The following FAM47E variants were observed in gnomAD, a reference collection of about 807,000 sequenced individuals.
FAM47E encodes the protein family with sequence similarity 47 member E.
In FAM47E, 32 loss-of-function variants were observed where a neutral mutation model predicts 41.6. That is an observed-to-expected ratio of 0.77 (90% confidence interval 0.58 to 1.03). FAM47E has a LOEUF of 1.03. Among genes scored for constraint, FAM47E ranks in the 50% least tolerant of loss-of-function variants. FAM47E has a pLI of 0.00. For missense variants in FAM47E, 424 were observed against 485.4 expected, an observed-to-expected ratio of 0.87 and a Z score of 1.19; for synonymous variants, 184 against 188.7, an observed-to-expected ratio of 0.98 and a Z score of 0.20.
chr4:76,273,714 G>A (rs868689173), intron 5 of FAM47E, among the ~76,000 whole-genome samples: 1 of 150,768 alleles, frequency 6.6e-6, no homozygotes, highest in South Asian at 2.1e-4. Context: ...CTTTTTTTTT[G>A]TTGTTTTTCA....
intron 2 of FAM47E, among the ~76,000 whole-genome samples, chr4:76,260,823 G>A (rs540687620): frequency 6.6e-6 from 1 of 152,168 alleles, no homozygotes; most frequent in South Asian, 2.1e-4. Context: ...ATGTGACAAA[G>A]GACTAATGTC....
intron 2 of FAM47E, among the ~76,000 whole-genome samples, chr4:76,260,746 A>G (rs1000767273): frequency 4.6e-5 from 7 of 152,216 alleles, no homozygotes; most frequent in Non-Finnish European, 7.3e-5. Flanking sequence ...TGAACTGCAA[A>G]AGAAACTATC....
upstream of FAM47E, among the ~76,000 whole-genome samples, chr4:76,247,910 C>CTTTTTTTTTTTTTTT (rs753751295): frequency 2.3e-5 from 2 of 86,844 alleles, no homozygotes; most frequent in African/African-American, 8.4e-5. Context: ...CACTCTCTCT[C>CTTTTTTTTTTTTTTT]TTTTTTTTTT....
At chr4:76,277,991 C>CT (rs1303418680) in intron 5 of FAM47E, 78 bp from the exon 6 acceptor site, 34 of 1,402,430 alleles carry the variant, frequency 2.4e-5, no homozygotes, top group Non-Finnish European at 3.1e-5. Context: ...TCCTGCTCTC[C>CT]TAAGCTAAGC....
intron 2 of FAM47E, among the ~76,000 whole-genome samples, chr4:76,263,183 T>C (rs1734490837): frequency 6.6e-6 from 1 of 152,232 alleles, no homozygotes; most frequent in Admixed American, 6.5e-5. Flanking sequence ...GGTATGCGTT[T>C]ATACATATCA....
At chr4:76,228,770 T>C (rs916119929) in intron 2 of FAM47E, among the ~76,000 whole-genome samples, 4 of 152,178 alleles carry the variant, frequency 2.6e-5, no homozygotes, top group African/African-American at 7.2e-5. Flanking sequence ...TTTTGCCTCA[T>C]AGCTCTTAAG....
At chr4:76,280,385 T>C in intron 7 of FAM47E, 44 bp downstream of exon 7, 2 of 1,126,626 alleles carry the variant, frequency 1.8e-6, no homozygotes, top group Non-Finnish European at 2.6e-6. Context: ...AGGGGCTTCA[T>C]GGCTCACAGT....
intron 2 of FAM47E, chr4:76,236,692 T>TGGGGTGGGGGTC (rs1733592165): frequency 4.6e-5 from 1 of 21,516 alleles, no homozygotes; most frequent in Non-Finnish European, 9.2e-5. Flanking sequence ...TGGTGGGGGG[T>TGGGGTGGGGGTC]GGGGTGGGGG....
intron 7 of FAM47E, chr4:76,280,632 T>G (rs1735305567): frequency 3.6e-6 from 1 of 278,082 alleles, no homozygotes; most frequent in Non-Finnish European, 6.8e-6. Context: ...GAGGTCTATG[T>G]ACAGGGCATG....
At chr4:76,228,479 A>T (rs1432869447) in intron 2 of FAM47E, among the ~76,000 whole-genome samples, 1 of 142,320 alleles carries the variant, frequency 7.0e-6, no homozygotes, top group Non-Finnish European at 1.6e-5. Context: ...CCTCCATCTT[A>T]AAAAAAAAAA....
At chr4:76,234,516 G>C (rs1262211100) in intron 2 of FAM47E, 1 of 152,130 alleles carries the variant, frequency 6.6e-6, no homozygotes, top group East Asian at 1.9e-4. Context: ...CCTGCTTTAC[G>C]GTTGGAATCC....
In FAM47E at chr4:76,283,245, C is replaced by T. The variant is rs746068326; in HGVS notation, c.1105-136C>T. Reference sequence around the variant, plus strand: ...ACATCTATCATGGTCAGATTATTAACATGTGATTTTGCATAGTGTAAGGAT... The same window carrying T: ...ACATCTATCATGGTCAGATTATTAATATGTGATTTTGCATAGTGTAAGGAT... On this transcript the variant is annotated intron_variant, in intron 7 of 7. Transcript: ENST00000424749. The T allele has an allele frequency of 6.8e-5, 37 of 545,196 alleles. 1 individual carries two copies. The highest frequency in any genetic ancestry group is 7.3e-5 in the Non-Finnish European group (22 of 300,162). The allele number at this position is 545,196 out of a possible 1,614,324, so 33.8% of individuals were successfully genotyped here. A position where few individuals can be genotyped will look rare whatever the true frequency, so the allele number is the denominator to read the frequency against.
chr4:76,223,502 T>G (rs1019352560), intron 2 of FAM47E, among the ~76,000 whole-genome samples: 1 of 152,164 alleles, frequency 6.6e-6, no homozygotes, highest in Admixed American at 6.5e-5. Flanking sequence ...ATCACAATAT[T>G]ATCACAGTTG....
intron 2 of FAM47E, among the ~76,000 whole-genome samples, chr4:76,261,243 A>G (rs570336603): frequency 6.6e-6 from 1 of 152,206 alleles, no homozygotes; most frequent in African/African-American, 2.4e-5. Context: ...AGTTAGCTCA[A>G]CCTCTGTGGA....
intron 2 of FAM47E, among the ~76,000 whole-genome samples, chr4:76,238,174 G>A (rs1010034998): frequency 6.6e-5 from 10 of 152,170 alleles, no homozygotes; most frequent in African/African-American, 2.4e-4. Flanking sequence ...GAATTATCAG[G>A]TCTCTTCCTG....
At chr4:76,276,037 G>GACACACACACACAC (rs796893693) in intron 5 of FAM47E, among the ~76,000 whole-genome samples, 8 of 62,348 alleles carry the variant, frequency 1.3e-4, no homozygotes, top group African/African-American at 4.5e-4. Flanking sequence ...CAGACAGACA[G>GACACACACACACAC]ACACACACAC....
upstream of FAM47E, chr4:76,251,599 G>A: frequency 1.3e-5 from 17 of 1,339,318 alleles, no homozygotes; most frequent in Non-Finnish European, 1.6e-5. Context: ...GTCGGAGAAG[G>A]GGTTGGACCG....
chr4:76,249,872 C>A (rs1000807430), upstream of FAM47E, among the ~76,000 whole-genome samples: 4 of 152,030 alleles, frequency 2.6e-5, no homozygotes, highest in African/African-American at 7.3e-5. Context: ...GCCATTATTT[C>A]ATTCCTTTTT....
In FAM47E at chr4:76,271,623, A is replaced by G; in HGVS notation, c.725A>G (p.Glu242Gly). The G allele has an allele frequency of 1.3e-6, 2 of 1,552,210 alleles. No homozygotes were observed. The highest frequency in any genetic ancestry group is 1.7e-6 in the Non-Finnish European group (2 of 1,147,104). ...TTGAAACAGTTTGACATTGACTATG[A>G]GACCAAACCAAGCCATGATGCGCTC... Reference protein sequence around the residue: ...FILKQFDIDYETKPSHDALHT... With the variant: ...FILKQFDIDYGTKPSHDALHT... The change falls in exon 5 of 8, where the codon GAG (glutamate) becomes GGG (glycine). Residue 242 changes from glutamate (E) to glycine (G), a missense_variant. By Grantham distance (98) the Glu-to-Gly change is moderately conservative. Transcript: ENST00000424749.
Sources: allele counts gnomAD v4.1 joint callset (sites outside exome capture counted in the v4.1 genomes callset), GRCh38; gene constraint gnomAD v4.1.1; transcripts MANE v1.5; gene names NCBI Gene and HGNC (gene_info 2026-07-23, HGNC 2026-07-21).